APBB2: variants seen among roughly 807,000 people sequenced by gnomAD.
APBB2 encodes the protein Fe65-like 1.
APBB2 carries 38 observed loss-of-function variants against 82.5 expected under a neutral mutation model. The observed-to-expected ratio is 0.46, with a 90% confidence interval of 0.36 to 0.60. The LOEUF (loss-of-function observed/expected upper bound fraction) is 0.60, where lower values mean the gene tolerates loss of function less well. Among genes scored for constraint, APBB2 ranks in the 20% least tolerant of loss-of-function variants. The pLI, the probability that APBB2 is intolerant of heterozygous loss-of-function variation, is 0.00. For missense variants in APBB2, 772 were observed against 972.3 expected (o/e 0.79, Z 2.74); for synonymous variants, 341 against 368.2 (o/e 0.93, Z 0.85).
chr4:41,162,547 C>T (rs1442021328), intron 1 of APBB2, among the ~76,000 whole-genome samples: 1 of 152,250 alleles, frequency 6.6e-6, no homozygotes, highest in Non-Finnish European at 1.5e-5. Context: ...CATACATGCT[C>T]ATCATAAAAT....
chr4:41,031,752 A>G (rs1471087789), intron 5 of APBB2, among the ~76,000 whole-genome samples: 1 of 152,248 alleles, frequency 6.6e-6, no homozygotes, highest in African/African-American at 2.4e-5. Flanking sequence ...ATAATCTATT[A>G]ATAACCTATC....
intron 3 of APBB2, among the ~76,000 whole-genome samples, chr4:41,097,132 C>T (rs190069075): frequency 1.4e-3 from 216 of 152,258 alleles, no homozygotes; most frequent in Middle Eastern, 3.4e-3. Flanking sequence ...GAAAGAAATG[C>T]GTAGGTAAAA....
At chr4:40,892,991 G>A (rs1343605936) in intron 11 of APBB2, 3 of 301,092 alleles carry the variant, frequency 1.0e-5, no homozygotes, top group Non-Finnish European at 1.2e-5. Flanking sequence ...GGCATGTTTA[G>A]GGGAGTTCTG....
chr4:40,854,715 GGA>G (rs1760561617), intron 12 of APBB2, among the ~76,000 whole-genome samples: 1 of 150,010 alleles, frequency 6.7e-6, no homozygotes, highest in Non-Finnish European at 1.5e-5. Flanking sequence ...CTTGAATCTG[GGA>G]GACACAGGTT....
At chr4:41,130,213 C>T (rs932605999) in intron 2 of APBB2, among the ~76,000 whole-genome samples, 5 of 152,012 alleles carry the variant, frequency 3.3e-5, no homozygotes, top group South Asian at 2.1e-4. Context: ...AAATTGAGAA[C>T]GAGAAGGAAA....
At chr4:41,202,084 T>C (rs947101109) in intron 1 of APBB2, among the ~76,000 whole-genome samples, 9 of 152,212 alleles carry the variant, frequency 5.9e-5, no homozygotes, top group African/African-American at 2.2e-4. Context: ...CTCCTTGGAA[T>C]TTTAACTATT....
rs1414905429 is a variant in APBB2 at position 40,813,188 on chromosome 4, C to T, written c.*2904G>A. On this transcript the variant is annotated 3_prime_UTR_variant, in exon 18 of 18. Transcript: ENST00000508593. ...AATCATTACAAAACCACTTTTTAGG[C>T]AATGTATAGTTCACTGAGATTACTT... The T allele has an allele frequency of 6.6e-6, 1 of 152,076 alleles. No individual in the cohort carries two copies. The highest frequency in any genetic ancestry group is 1.5e-5 in the Non-Finnish European group (1 of 68,026). The allele number at this position is 152,076 out of a possible 1,614,324, so 9.4% of individuals were successfully genotyped here.
At chr4:40,841,931 C>T (rs1477326086) in intron 12 of APBB2, among the ~76,000 whole-genome samples, 3 of 152,208 alleles carry the variant, frequency 2.0e-5, no homozygotes, top group East Asian at 1.9e-4. Flanking sequence ...CCACCTACCT[C>T]GGCCTCCCAA....
chr4:41,200,772 T>C (rs11723385), intron 1 of APBB2, among the ~76,000 whole-genome samples: 17,524 of 152,288 alleles, frequency 0.12, 1,149 homozygotes, highest in South Asian at 0.26. Flanking sequence ...GACATCTTTC[T>C]CACACTGCTT....
intron 6 of APBB2, among the ~76,000 whole-genome samples, chr4:40,998,242 T>G (rs747039074): frequency 3.5e-4 from 53 of 152,358 alleles, no homozygotes; most frequent in Non-Finnish European, 6.5e-4. Flanking sequence ...GATGTAATAT[T>G]TTCATATTGC....
intron 3 of APBB2, among the ~76,000 whole-genome samples, chr4:41,068,212 T>C (rs750636116): frequency 1.3e-5 from 2 of 152,196 alleles, no homozygotes; most frequent in Non-Finnish European, 2.9e-5. Context: ...TAAAGTTTAA[T>C]TTCTAAATTA....
intron 1 of APBB2, among the ~76,000 whole-genome samples, chr4:41,185,729 G>A (rs1580706195): frequency 1.3e-5 from 2 of 152,046 alleles, no homozygotes; most frequent in African/African-American, 4.8e-5. Context: ...CCCTATAACC[G>A]GCTAGTCATT....
chr4:41,036,141 G>A (rs1244556153), intron 4 of APBB2, among the ~76,000 whole-genome samples: 2 of 152,148 alleles, frequency 1.3e-5, no homozygotes, highest in Admixed American at 6.5e-5. Context: ...CTGGACAACA[G>A]AGTGACACCC....
chr4:41,062,680 T>C (rs1372882836), intron 4 of APBB2, among the ~76,000 whole-genome samples: 2 of 152,082 alleles, frequency 1.3e-5, no homozygotes, highest in Non-Finnish European at 2.9e-5. Flanking sequence ...TGCAGATGTG[T>C]GCCCCCGGAA....
chr4:40,881,367 T>C (rs1768456679), intron 12 of APBB2: 1 of 984,698 alleles, frequency 1.0e-6, no homozygotes, highest in African/African-American at 1.8e-5. Context: ...CTACTAGATG[T>C]CATCAGGAAA....
intron 6 of APBB2, among the ~76,000 whole-genome samples, chr4:41,000,053 GTATATATA>G (rs540316031): frequency 1.7e-5 from 2 of 119,786 alleles, no homozygotes; most frequent in Non-Finnish European, 3.5e-5. Flanking sequence ...GTATGTATAT[GTATATATA>G]TGTGTGTATG....
intron 1 of APBB2, among the ~76,000 whole-genome samples, chr4:41,194,627 G>C: frequency 6.6e-6 from 1 of 152,110 alleles, no homozygotes; most frequent in African/African-American, 2.4e-5. Context: ...TCATGTCACC[G>C]CACTCTAGCC....
At chr4:40,953,262 C>T (rs1790697183) in intron 6 of APBB2, among the ~76,000 whole-genome samples, 2 of 146,888 alleles carry the variant, frequency 1.4e-5, no homozygotes, top group Non-Finnish European at 3.0e-5. Flanking sequence ...CGCCACTGCA[C>T]TCCAGCCTGG....
At chr4:40,903,296 A>G (rs1292900635) in intron 10 of APBB2, among the ~76,000 whole-genome samples, 4 of 135,222 alleles carry the variant, frequency 3.0e-5, no homozygotes, top group Non-Finnish European at 3.2e-5. Context: ...CTCCAACTCT[A>G]CTAAAAAAAA....
Sources: gnomAD v4.1 joint callset for allele counts (sites outside exome capture counted in the v4.1 genomes callset) on GRCh38, gnomAD v4.1.1 for gene constraint, MANE v1.5 for transcripts, NCBI Gene and HGNC (gene_info 2026-07-23, HGNC 2026-07-21) for gene names.